Variants in XKR9 observed in about 807,000 individuals in gnomAD.
The protein encoded by XKR9 is XK related 9.
Under a neutral mutation model 32.0 loss-of-function variants are expected in XKR9, and 32 were observed. The ratio of observed to expected loss-of-function variants is 1.00; its 90% CI spans 0.76 to 1.34. XKR9 has a LOEUF of 1.34. Among genes scored for constraint, XKR9 ranks in the 40% most tolerant of loss-of-function variants. The pLI, the probability that XKR9 is intolerant of heterozygous loss-of-function variation, is 0.00. For synonymous variants in XKR9, 168 were observed against 143.4 expected (o/e 1.17, Z -1.22); for missense variants, 546 against 429.7 (o/e 1.27, Z -2.39).
At chr8:70,952,670 G>A in the XKR9 span, among the ~76,000 whole-genome samples, 1 of 152,132 alleles carries the variant, frequency 6.6e-6, no homozygotes, top group African/African-American at 2.4e-5. Flanking sequence ...ATGGAGACAG[G>A]GTCATGGAAG....
chr8:70,985,902 T>G, the XKR9 span, among the ~76,000 whole-genome samples: 1 of 152,152 alleles, frequency 6.6e-6, no homozygotes, highest in Non-Finnish European at 1.5e-5. Context: ...ATTCTTCTAA[T>G]AGACATTTTG....
the XKR9 span, among the ~76,000 whole-genome samples, chr8:70,994,974 G>A: frequency 6.6e-6 from 1 of 152,112 alleles, no homozygotes; most frequent in African/African-American, 2.4e-5. Context: ...AGTTAGTAAA[G>A]TTTATTATGT....
the XKR9 span, among the ~76,000 whole-genome samples, chr8:71,046,316 A>T: frequency 1.3e-5 from 2 of 152,192 alleles, no homozygotes; most frequent in African/African-American, 4.8e-5. Flanking sequence ...GTGCAGGGGT[A>T]GCCAAGGCTC....
intron 2 of XKR9, among the ~76,000 whole-genome samples, chr8:70,756,577 C>G (rs1053534026): frequency 6.6e-6 from 1 of 151,974 alleles, no homozygotes; most frequent in African/African-American, 2.4e-5. Context: ...AAGTTTTGTA[C>G]TTCTGTTAAA....
At chr8:70,715,851 A>C (rs7819922) in intron 4 of XKR9, among the ~76,000 whole-genome samples, 102,554 of 151,798 alleles carry the variant, frequency 0.68, 35,182 homozygotes, top group Admixed American at 0.74. Flanking sequence ...ATTCTCTTTC[A>C]AGCAAAACTG....
the XKR9 span, among the ~76,000 whole-genome samples, chr8:70,831,246 G>A: frequency 2.7e-5 from 4 of 148,594 alleles, no homozygotes; most frequent in Non-Finnish European, 3.0e-5. Context: ...AGCCAAGATC[G>A]TGCCACTGCA....
At chr8:70,892,886 A>C in the XKR9 span, among the ~76,000 whole-genome samples, 1 of 152,114 alleles carries the variant, frequency 6.6e-6, no homozygotes, top group African/African-American at 2.4e-5. Flanking sequence ...ATCTTTCCCG[A>C]GACTTGGGAA....
At chr8:70,741,453 C>A (rs548142309) in intron 2 of XKR9, among the ~76,000 whole-genome samples, 1 of 152,172 alleles carries the variant, frequency 6.6e-6, no homozygotes, top group South Asian at 2.1e-4. Context: ...TGGTATTCAG[C>A]GGAAAACAGA....
chr8:70,913,758 CT>C, the XKR9 span, among the ~76,000 whole-genome samples: 1 of 152,154 alleles, frequency 6.6e-6, no homozygotes, highest in East Asian at 1.9e-4. Context: ...TCCCCAGTCA[CT>C]AGCATCCCTC....
At chr8:70,947,304 C>T in the XKR9 span, among the ~76,000 whole-genome samples, 4 of 152,042 alleles carry the variant, frequency 2.6e-5, no homozygotes, top group South Asian at 6.2e-4. Flanking sequence ...GAGAACAGTC[C>T]CTTCAAATAT....
chr8:70,695,134 T>C (rs1055788352), intron 3 of XKR9, among the ~76,000 whole-genome samples: 10 of 116,166 alleles, frequency 8.6e-5, no homozygotes, highest in African/African-American at 2.5e-4. Flanking sequence ...TTTTCTTTTT[T>C]TTTTTTTTTT....
At chr8:70,998,405 C>T in the XKR9 span, among the ~76,000 whole-genome samples, 1 of 152,156 alleles carries the variant, frequency 6.6e-6, no homozygotes, top group Non-Finnish European at 1.5e-5. Flanking sequence ...TAGGGACTAT[C>T]CTTTTAGGCC....
intron 3 of XKR9, among the ~76,000 whole-genome samples, chr8:70,697,191 AT>A (rs1244971029): frequency 6.6e-6 from 1 of 151,200 alleles, no homozygotes; most frequent in Non-Finnish European, 1.5e-5. Flanking sequence ...CTCCTGCCTA[AT>A]TGCCCTGGCC....
chr8:70,992,605 G>A, the XKR9 span, among the ~76,000 whole-genome samples: 1 of 152,216 alleles, frequency 6.6e-6, no homozygotes, highest in African/African-American at 2.4e-5. Context: ...TCCTTTGTCA[G>A]ATGACTTCCT....
chr8:70,810,609 T>C, the XKR9 span, among the ~76,000 whole-genome samples: 2 of 151,488 alleles, frequency 1.3e-5, no homozygotes, highest in African/African-American at 4.9e-5. Context: ...ACAAAGCAAA[T>C]GGAAAACAAA....
At chr8:70,782,535 C>G (rs1458430052) in intron 2 of XKR9, among the ~76,000 whole-genome samples, 3 of 151,768 alleles carry the variant, frequency 2.0e-5, no homozygotes, top group African/African-American at 7.3e-5. Context: ...TAATCTTATT[C>G]CTTCTGCTTG....
chr8:70,771,933 A>G (rs962072821), intron 2 of XKR9, among the ~76,000 whole-genome samples: 1 of 152,238 alleles, frequency 6.6e-6, no homozygotes, highest in Non-Finnish European at 1.5e-5. Context: ...AAATTGGTTT[A>G]TTAAAAATCC....
At chr8:70,952,106 G>GAA in the XKR9 span, among the ~76,000 whole-genome samples, 184 of 142,476 alleles carry the variant, frequency 1.3e-3, 2 homozygotes, top group Middle Eastern at 7.3e-3. Flanking sequence ...ATTATAAAAT[G>GAA]AAAAAAAAAG....
chr8:70,727,649 C>T (rs758811977), intron 4 of XKR9, among the ~76,000 whole-genome samples: 6 of 152,034 alleles, frequency 3.9e-5, no homozygotes, highest in Non-Finnish European at 7.4e-5. Context: ...CTGCCCGCCT[C>T]GGCCTCCCAA....
Sources: gnomAD v4.1 joint callset for allele counts (sites outside exome capture counted in the v4.1 genomes callset) on GRCh38, gnomAD v4.1.1 for gene constraint, MANE v1.5 for transcripts, NCBI Gene and HGNC (gene_info 2026-07-23, HGNC 2026-07-21) for gene names.